P2RY8: variants seen among roughly 807,000 people sequenced by gnomAD.
P2RY8 encodes P2Y receptor family member 8.
A neutral mutation model predicts 10.0 loss-of-function variants in P2RY8; 6 were observed. The observed-to-expected ratio is 0.60, with a 90% confidence interval of 0.33 to 1.19. The LOEUF (loss-of-function observed/expected upper bound fraction) is 1.19. Ranked by LOEUF, P2RY8 falls within the 50% of genes most tolerant of loss-of-function variation. The pLI is 0.04. For missense variants in P2RY8, 456 were observed against 542.0 expected (o/e 0.84, Z 1.58); for synonymous variants, 276 against 252.5 (o/e 1.09, Z -0.88).
chrX:1,493,039 G>A (rs1263084551), intron 1 of P2RY8, among the ~76,000 whole-genome samples: 11 of 151,582 alleles, frequency 7.3e-5, no homozygotes, highest in East Asian at 2.0e-4. Flanking sequence ...CAGGCCAGGC[G>A]CACTTTGGGA....
At chrX:1,521,034 C>CTTTTTTT (rs1163534557) in intron 1 of P2RY8, among the ~76,000 whole-genome samples, 10 of 61,038 alleles carry the variant, frequency 1.6e-4, no homozygotes, top group African/African-American at 2.8e-4. Flanking sequence ...TTTTTCTTTT[C>CTTTTTTT]TTTTTTTTTT....
intron 1 of P2RY8, among the ~76,000 whole-genome samples, chrX:1,482,123 G>A (rs2091941763): frequency 6.6e-6 from 1 of 151,754 alleles, no homozygotes; most frequent in African/African-American, 2.4e-5. Flanking sequence ...AGAAACATAA[G>A]AAGCCCCTTT....
Position 1,485,613 on chromosome X carries a change from T to G in P2RY8, c.-24-19031A>C, listed in dbSNP as rs776311616. 2.0e-5 allele frequency among the ~76,000 whole-genome samples: 3 copies of G among 148,270 alleles called. No homozygotes were observed. In the South Asian group the frequency reaches 6.3e-4, roughly 31 times the overall value. On this transcript the variant is annotated intron_variant, in intron 1 of 1. Coordinates refer to ENST00000381297, the MANE Select transcript of P2RY8 (RefSeq NM_178129.5). ...TAATCATATAAAGTGATATAATGTA[T>G]AAATTATTATTATATAATATTACAT...
rs2091675772 is a variant in P2RY8, at chrX:1,466,337, G to A, written c.222C>T (p.Ser74=). Residue 74 remains serine, a synonymous_variant, in exon 2 of 2, where the codon AGC becomes AGT. Transcript: ENST00000381297. ...GGTAGTAGATTTGGAAAGGCAACAC[G>A]CTGGCCAGCATCAGGTCCGTGACGC... The part of the protein sequence containing the change: ...NLSVTDLMLA[S]VLPFQIYYHC... The A allele has an allele frequency of 6.2e-7, 1 of 1,613,842 alleles. No homozygotes were observed. The highest frequency in any genetic ancestry group is 8.5e-7 in the Non-Finnish European group (1 of 1,179,860).
At chrX:1,481,546 CCCAGCTTTGGGTTTAGGAGAGT>C (rs1247974486) in intron 1 of P2RY8, among the ~76,000 whole-genome samples, 1 of 151,346 alleles carries the variant, frequency 6.6e-6, no homozygotes, top group African/African-American at 2.4e-5. Context: ...GTTTAAGGAG[CCCAGCTTTGGGTTTAGGAGAGT>C]CCAGCTTTGG....
At chrX:1,527,005 T>C (rs1222863354) in intron 1 of P2RY8, among the ~76,000 whole-genome samples, 3 of 152,194 alleles carry the variant, frequency 2.0e-5, no homozygotes, top group Non-Finnish European at 4.4e-5. Context: ...GGGATTCTCC[T>C]GCCTCAGCCT....
intron 1 of P2RY8, among the ~76,000 whole-genome samples, chrX:1,533,955 T>C (rs1459514761): frequency 8.1e-6 from 1 of 123,932 alleles, no homozygotes; most frequent in East Asian, 2.5e-4. Context: ...ACATATTACA[T>C]AGTTATATAT....
At chrX:1,504,428 G>C (rs1199084090) in intron 1 of P2RY8, among the ~76,000 whole-genome samples, 1 of 152,108 alleles carries the variant, frequency 6.6e-6, no homozygotes, top group Non-Finnish European at 1.5e-5. Flanking sequence ...AAGCCTTTTA[G>C]TGGTGACCCT....
intron 1 of P2RY8, among the ~76,000 whole-genome samples, chrX:1,527,601 T>C (rs1415356911): frequency 6.6e-6 from 1 of 152,118 alleles, no homozygotes; most frequent in South Asian, 2.1e-4. Flanking sequence ...CATCTGTTCA[T>C]CCATCCATCC....
intron 1 of P2RY8, among the ~76,000 whole-genome samples, chrX:1,468,471 G>A (rs191227528): frequency 3.6e-4 from 55 of 152,318 alleles, no homozygotes; most frequent in Middle Eastern, 6.8e-3. Context: ...CAGGACTGCT[G>A]AGGAACGCGC....
intron 1 of P2RY8, among the ~76,000 whole-genome samples, chrX:1,498,871 G>A (rs73184971): frequency 0.27 from 41,134 of 150,444 alleles, 7,218 homozygotes; most frequent in Non-Finnish European, 0.4. Context: ...TCTCACTCTT[G>A]TCACCCAGGC....
intron 1 of P2RY8, among the ~76,000 whole-genome samples, chrX:1,469,129 T>C (rs2091747057): frequency 1.5e-5 from 1 of 67,654 alleles, no homozygotes; most frequent in South Asian, 7.4e-4. Context: ...CTCCTCTCCT[T>C]CCCTCTCTCC....
At chrX:1,499,162 TC>T (rs1264743235) in intron 1 of P2RY8, among the ~76,000 whole-genome samples, 807 of 42,038 alleles carry the variant, frequency 0.019, 11 homozygotes, top group Non-Finnish European at 0.05. Context: ...CTTTTTCTTT[TC>T]TTTTTTTTTT....
intron 1 of P2RY8, among the ~76,000 whole-genome samples, chrX:1,523,542 A>C (rs2092408145): frequency 6.6e-6 from 1 of 152,124 alleles, no homozygotes; most frequent in Non-Finnish European, 1.5e-5. Context: ...GGAAGGGAGA[A>C]GTGGGAGCGA....
chrX:1,491,551 T>A (rs750803547), intron 1 of P2RY8, among the ~76,000 whole-genome samples: 199 of 152,332 alleles, frequency 1.3e-3, no homozygotes, highest in African/African-American at 4.5e-3. Context: ...TCCTGACAAG[T>A]GTGGAGCAAA....
At chrX:1,518,886 T>C (rs1352243766) in intron 1 of P2RY8, among the ~76,000 whole-genome samples, 3 of 152,132 alleles carry the variant, frequency 2.0e-5, no homozygotes, top group Non-Finnish European at 4.4e-5. Flanking sequence ...ATATTTTATC[T>C]GGTCTGCAAT....
At chrX:1,487,534 AC>A (rs1223794074) in intron 1 of P2RY8, among the ~76,000 whole-genome samples, 1 of 151,854 alleles carries the variant, frequency 6.6e-6, no homozygotes, top group East Asian at 1.9e-4. Context: ...AAGATGCCGC[AC>A]TCTGCCTTGC....
intron 1 of P2RY8, among the ~76,000 whole-genome samples, chrX:1,530,160 C>G (rs1260823939): frequency 0.037 from 101 of 2,750 alleles, 1 homozygote; most frequent in Admixed American, 0.072. Flanking sequence ...TATGTATGAT[C>G]TATCTATCTA....
At position 1,496,791 on chromosome X, in the gene P2RY8, T is replaced by G. The variant is rs192475624; in HGVS notation, c.-24-30209A>C. Among the ~76,000 whole-genome samples the G allele has an allele frequency of 3.9e-3, 344 of 88,902 alleles. 2 individuals are homozygous for G. The highest frequency in any genetic ancestry group is 0.017 in the African/African-American group (308 of 17,764). The allele number at this position is 88,902 out of a possible 152,430, so 58.3% of individuals were successfully genotyped here. On this transcript the variant is annotated intron_variant, in intron 1 of 1. Coordinates refer to ENST00000381297, the MANE Select transcript of P2RY8 (RefSeq NM_178129.5). ...CGGCTCCCTGCAACCTCCGCCTCCC[T>G]GGTTCAAGCAATTCTCCTGCCTCAG... is the stretch of plus-strand genomic sequence containing the variant.
Sources: allele counts gnomAD v4.1 joint callset (sites outside exome capture counted in the v4.1 genomes callset), GRCh38; gene constraint gnomAD v4.1.1; transcripts MANE v1.5; gene names NCBI Gene and HGNC (gene_info 2026-07-23, HGNC 2026-07-21).